The following MTUS1 variants were observed in gnomAD, a reference collection of about 807,000 sequenced individuals.
MTUS1 encodes microtubule associated scaffold protein 1.
MTUS1 carries 109 observed loss-of-function variants against 120.8 expected under a neutral mutation model. The ratio of observed to expected loss-of-function variants is 0.90; its 90% CI spans 0.77 to 1.06. The LOEUF (loss-of-function observed/expected upper bound fraction) is 1.06, where lower values mean the gene tolerates loss of function less well. MTUS1 is among the 50% of genes least tolerant of loss of function. MTUS1 has a pLI of 0.00. For missense variants in MTUS1, 2,210 were observed against 1,486.3 expected, an observed-to-expected ratio of 1.49 and a Z score of -8.01; for synonymous variants, 737 against 550.5, an observed-to-expected ratio of 1.34 and a Z score of -4.74.
chr8:17,786,116 G>C (rs865877203), intron 1 of MTUS1, among the ~76,000 whole-genome samples: 4 of 152,086 alleles, frequency 2.6e-5, no homozygotes, highest in Non-Finnish European at 4.4e-5. Context: ...CTCCAGCCTG[G>C]GTGACAGAGC....
intron 6 of MTUS1, among the ~76,000 whole-genome samples, chr8:17,688,197 C>T (rs7845231): frequency 0.37 from 56,448 of 152,104 alleles, 10,794 homozygotes; most frequent in African/African-American, 0.46. Context: ...TGTATACTCA[C>T]TGACCTACTC....
At chr8:17,782,411 C>T (rs188152067) in intron 1 of MTUS1, among the ~76,000 whole-genome samples, 2 of 152,258 alleles carry the variant, frequency 1.3e-5, no homozygotes, top group Admixed American at 1.3e-4. Flanking sequence ...TAAAACTATA[C>T]ATTATCTTCT....
At chr8:17,725,066 A>G (rs2046125685) in intron 3 of MTUS1, among the ~76,000 whole-genome samples, 1 of 151,940 alleles carries the variant, frequency 6.6e-6, no homozygotes, top group East Asian at 1.9e-4. Context: ...ATATAGCCCT[A>G]TTTTTTATTT....
At chr8:17,789,571 G>A (rs1303618047) in intron 1 of MTUS1, among the ~76,000 whole-genome samples, 3 of 152,200 alleles carry the variant, frequency 2.0e-5, no homozygotes, top group East Asian at 1.9e-4. Context: ...TTTGAATCAC[G>A]CCAACACCAA....
At chr8:17,691,776 G>C (rs567950488) in intron 6 of MTUS1, among the ~76,000 whole-genome samples, 2 of 152,154 alleles carry the variant, frequency 1.3e-5, no homozygotes, top group African/African-American at 4.8e-5. Flanking sequence ...AAACACAAGA[G>C]AAATTGAAGT....
At chr8:17,784,470 T>C (rs1028756089) in intron 1 of MTUS1, among the ~76,000 whole-genome samples, 22 of 152,044 alleles carry the variant, frequency 1.4e-4, no homozygotes, top group Admixed American at 1.4e-3. Context: ...TAATTCTGTA[T>C]TTTTAGTGGA....
At chr8:17,771,706 A>C (rs1476242204) in intron 1 of MTUS1, among the ~76,000 whole-genome samples, 1 of 152,244 alleles carries the variant, frequency 6.6e-6, no homozygotes. Flanking sequence ...TCTTGAAATT[A>C]AATACAACTC....
rs536242438 is a variant in MTUS1 at position 17,798,981 on chromosome 8, T to C, written c.-155+2080A>G. Among the ~76,000 whole-genome samples the C allele has an allele frequency of 3.3e-5, 5 of 151,582 alleles. No homozygotes were observed. In the East Asian group the frequency reaches 7.8e-4, roughly 24 times the overall value. The stretch of plus-strand genomic sequence containing the variant: ...AATCAAAGAAATTGAAGTTTAAATA[T>C]AGAGAAAGCACTGTTCACCTATAAA... On this transcript the variant is annotated intron_variant, in intron 1 of 14. Coordinates refer to ENST00000693296, the MANE Select transcript of MTUS1 (RefSeq NM_001363059.2).
intron 7 of MTUS1, among the ~76,000 whole-genome samples, chr8:17,675,738 G>C (rs567617521): frequency 7.9e-5 from 12 of 152,260 alleles, no homozygotes; most frequent in African/African-American, 2.6e-4. Context: ...CAAAAAGTTT[G>C]TTAGAAAGCT....
chr8:17,698,352 G>C (rs1295445896), intron 6 of MTUS1, among the ~76,000 whole-genome samples: 1 of 149,672 alleles, frequency 6.7e-6, no homozygotes, highest in Non-Finnish European at 1.5e-5. Flanking sequence ...TTTCAGTAGA[G>C]TGGCTTGTAA....
chr8:17,662,828 G>C (rs955487510), intron 8 of MTUS1, among the ~76,000 whole-genome samples: 4 of 132,570 alleles, frequency 3.0e-5, no homozygotes, highest in African/African-American at 1.1e-4. Context: ...CAGTTCTCAG[G>C]ATTTAAGGAA....
intron 3 of MTUS1, among the ~76,000 whole-genome samples, chr8:17,743,254 T>G (rs2047472562): frequency 6.6e-6 from 1 of 152,174 alleles, no homozygotes; most frequent in Admixed American, 6.5e-5. Flanking sequence ...GAGGGCACAC[T>G]AGGGACCTAC....
At chr8:17,761,793 T>C (rs963399196) in intron 1 of MTUS1, among the ~76,000 whole-genome samples, 2 of 152,210 alleles carry the variant, frequency 1.3e-5, no homozygotes, top group African/African-American at 4.8e-5. Flanking sequence ...ACAAATACAG[T>C]TATAATTTAT....
At chr8:17,791,869 G>A (rs943971040) in intron 1 of MTUS1, among the ~76,000 whole-genome samples, 1 of 152,112 alleles carries the variant, frequency 6.6e-6, no homozygotes, top group South Asian at 2.1e-4. Flanking sequence ...AGAGACTAAG[G>A]AAGGTTATTA....
chr8:17,679,944 G>C (rs7830742), intron 7 of MTUS1, among the ~76,000 whole-genome samples: 23,846 of 152,168 alleles, frequency 0.16, 2,057 homozygotes, highest in African/African-American at 0.23. Flanking sequence ...CCGTTCATAT[G>C]TTCACTCACA....
At position 17,726,083 on chromosome 8, in the gene MTUS1, C is replaced by T. The variant is rs115712783; in HGVS notation, c.2288-2250G>A. Among the ~76,000 whole-genome samples, 356 of 152,246 alleles carry T rather than the reference C, an allele frequency of 2.3e-3. 4 individuals carry two copies. Among genetic ancestry groups the T allele is most frequent in the African/African-American group, 8.3e-3 (344 of 41,550 alleles). On this transcript the variant is annotated intron_variant, in intron 3 of 14. Coordinates refer to ENST00000693296, the MANE Select transcript of MTUS1 (RefSeq NM_001363059.2). ...ATTCTTCTGCTTACGCCCATCCTTC[C>T]GACTGAACGGCCTCCTTTCTATCCC...
chr8:17,755,748 A>G lies in MTUS1; in HGVS notation c.60T>C (p.Ser20=), dbSNP rs748945518. 1.2e-6 allele frequency: 2 copies of G among 1,613,952 alleles called. No homozygotes were observed. Among genetic ancestry groups the G allele is most frequent in the South Asian group, 1.1e-5 (1 of 91,058 alleles). The change falls in exon 2 of 15, where the codon AGT becomes AGC. Residue 20 remains serine, a synonymous_variant. Transcript: ENST00000693296. ...IEDELQTFFT[S]DKDGNTHAYN... is the part of the protein sequence containing the mutation. ...ATGCATGTGTATTTCCATCTTTATC[A>G]CTGGTAAAGAAGGTTTGCAATTCAT... is the stretch of plus-strand genomic sequence containing the variant.
intron 6 of MTUS1, among the ~76,000 whole-genome samples, chr8:17,696,772 G>C (rs1818061242): frequency 6.6e-6 from 1 of 152,128 alleles, no homozygotes; most frequent in Non-Finnish European, 1.5e-5. Context: ...TAACCATTAG[G>C]ATGTTTTCTG....
At chr8:17,778,034 G>GAGCCAC (rs1228420479) in intron 1 of MTUS1, among the ~76,000 whole-genome samples, 1 of 152,164 alleles carries the variant, frequency 6.6e-6, no homozygotes, top group Non-Finnish European at 1.5e-5. Context: ...TGGGGGTATG[G>GAGCCAC]AGCTGTGGGT....
Sources: allele counts gnomAD v4.1 joint callset (sites outside exome capture counted in the v4.1 genomes callset), GRCh38; gene constraint gnomAD v4.1.1; transcripts MANE v1.5; gene names NCBI Gene and HGNC (gene_info 2026-07-23, HGNC 2026-07-21).